The following CCDC80 variants were observed in gnomAD, a reference collection of about 807,000 sequenced individuals.
CCDC80 encodes coiled-coil domain containing 80.
In CCDC80, 49 loss-of-function variants were observed where a neutral mutation model predicts 78.7. The observed-to-expected ratio is 0.62, with a 90% CI of 0.50 to 0.79. CCDC80 has a LOEUF of 0.79. Ranked by LOEUF, CCDC80 falls within the 30% of genes least tolerant of loss-of-function variation. CCDC80 has a pLI of 0.00. For synonymous variants in CCDC80, 488 were observed against 447.0 expected, an observed-to-expected ratio of 1.09 and a Z score of -1.16; for missense variants, 1,205 against 1,198.6, an observed-to-expected ratio of 1.01 and a Z score of -0.08.
rs565377774 is a variant in CCDC80, at chr3:112,604,511, C to A, written c.*906G>T. On this transcript the variant is annotated 3_prime_UTR_variant, in exon 8 of 8. Coordinates refer to ENST00000206423, the MANE Select transcript of CCDC80 (RefSeq NM_199511.3). ...ATAAAGCTATTATACACTTAATAGA[C>A]TACTAAAGAGTGTAAACATAACTTT... is the stretch of plus-strand genomic sequence containing the variant. 6.9e-5 allele frequency: 10 copies of A among 144,646 alleles called. No homozygotes were observed. The highest frequency in any genetic ancestry group is 2.2e-4 in the African/African-American group (9 of 40,238). 9.0% of individuals were successfully genotyped at this position (144,646 alleles called of 1,614,324 possible).
rs1936275999 is a variant in CCDC80, at chr3:112,638,956, C to CT, written c.949dup (p.Arg317LysfsTer85). ...CTCTCTGGTTGGTGGGACTTGTGCT[C>CT]TCCTTGGGTCCTCTTTCTTCTTCTC... On this transcript the variant is annotated frameshift_variant, in exon 2 of 8. Transcript: ENST00000206423. LOFTEE classifies it high-confidence loss of function. 6.2e-7 allele frequency: 1 copy of CT among 1,612,890 alleles called. No homozygotes were observed. The highest frequency in any genetic ancestry group is 8.5e-7 in the Non-Finnish European group (1 of 1,179,998).
rs746434996 is a variant in CCDC80 at position 112,609,971 on chromosome 3, C to T, written c.2425+7G>A. ...GGAAAGCAGTAATGAGGTGGCTTCC[C>T]ACTCACCAAAATTGCACGCCTGACC... On this transcript the variant is annotated splice_region_variant and intron_variant, in intron 6 of 7. Coordinates refer to ENST00000206423, the MANE Select transcript of CCDC80 (RefSeq NM_199511.3). 8 of 1,605,412 alleles carry T rather than the reference C, an allele frequency of 5.0e-6. No homozygotes were observed. The highest frequency in any genetic ancestry group is 4.3e-6 in the Non-Finnish European group (5 of 1,173,528).
rs147788073 is a variant in CCDC80 at position 112,616,585 on chromosome 3, G to A, written c.2321+125C>T. Reference sequence around the variant, plus strand: ...TAAGCTCAGTGGCCAGAGATGGGTAGGTTTTTCTCCAAGGAGGATTACTCT... The same window carrying A: ...TAAGCTCAGTGGCCAGAGATGGGTAAGTTTTTCTCCAAGGAGGATTACTCT... On this transcript the variant is annotated intron_variant, in intron 5 of 7. Coordinates refer to ENST00000206423, the MANE Select transcript of CCDC80 (RefSeq NM_199511.3). 606 of 1,106,286 alleles carry A rather than the reference G, an allele frequency of 5.5e-4. No individual in the cohort carries two copies. The African/African-American group carries it at 8.4e-3, about 15-fold the overall frequency. The allele number at this position is 1,106,286 out of a possible 1,614,324, so 68.5% of individuals were successfully genotyped here.
intron 7 of CCDC80, among the ~76,000 whole-genome samples, chr3:112,606,504 C>A (rs868459771): frequency 1.8e-4 from 28 of 151,824 alleles, no homozygotes; most frequent in African/African-American, 6.3e-4. Context: ...CGGCTCACCG[C>A]AATCTCCACC....
intron 4 of CCDC80, among the ~76,000 whole-genome samples, chr3:112,618,126 T>C (rs971883197): frequency 6.6e-6 from 1 of 152,222 alleles, no homozygotes; most frequent in African/African-American, 2.4e-5. Flanking sequence ...AGGAAAGCAC[T>C]TGATAAAGTG....
chr3:112,632,538 G>C (rs902139793), intron 2 of CCDC80, among the ~76,000 whole-genome samples: 1 of 152,000 alleles, frequency 6.6e-6, no homozygotes, highest in Admixed American at 6.6e-5. Context: ...GACAGATCAC[G>C]GTATGACAGG....
chr3:112,640,743 G>T lies in CCDC80; in HGVS notation c.-428C>A, dbSNP rs950615809. On this transcript the variant is annotated 5_prime_UTR_variant, in exon 1 of 8. Transcript: ENST00000206423. ...GAATCTCACTCTTTCCCTCTTTAAA[G>T]TTCCAGGATCCTTCTTATCTCCCTT... 6.6e-6 allele frequency: 1 copy of T among 152,218 alleles called. No individual in the cohort carries two copies. Among genetic ancestry groups the T allele is most frequent in the Non-Finnish European group, 1.5e-5 (1 of 68,104 alleles). The allele number at this position is 152,218 out of a possible 1,614,324, so 9.4% of individuals were successfully genotyped here.
At chr3:112,613,497 T>TA (rs957108014) in intron 5 of CCDC80, among the ~76,000 whole-genome samples, 5 of 151,174 alleles carry the variant, frequency 3.3e-5, no homozygotes, top group Admixed American at 6.6e-5. Flanking sequence ...TTCTTGAGAA[T>TA]AAAAAAAAAT....
At chr3:112,609,103 G>A (rs1369324544) in intron 6 of CCDC80, among the ~76,000 whole-genome samples, 1 of 148,944 alleles carries the variant, frequency 6.7e-6, no homozygotes, top group African/African-American at 2.6e-5. Flanking sequence ...CCCTGCCCCT[G>A]CCCAGTGAAT....
Position 112,601,697 on chromosome 3 carries a change from G to GAA in CCDC80, c.*3719_*3720insTT, listed in dbSNP as rs767380051. 1 of 46,138 alleles carries GAA rather than the reference G, an allele frequency of 2.2e-5. No homozygotes were observed. The highest frequency in any genetic ancestry group is 3.9e-5 in the African/African-American group (1 of 25,440). 2.9% of individuals were successfully genotyped at this position (46,138 alleles called of 1,614,324 possible). ...CTCTCCAAAAAAAGAAAAAAAAAAA[G>GAA]AGAAAAAAAAGAAGCAGCAGCAACG... On this transcript the variant is annotated 3_prime_UTR_variant, in exon 8 of 8. Transcript: ENST00000206423.
rs1559873376 is a variant in CCDC80, at chr3:112,605,030, A to C, written c.*387T>G. 1 of 158,838 alleles carries C rather than the reference A, an allele frequency of 6.3e-6. No individual in the cohort carries two copies. Among genetic ancestry groups the C allele is most frequent in the African/African-American group, 2.4e-5 (1 of 41,748 alleles). The allele number at this position is 158,838 out of a possible 1,614,324, so 9.8% of individuals were successfully genotyped here. A position where few individuals can be genotyped will look rare whatever the true frequency, so the allele number is the denominator to read the frequency against. Reference sequence around the variant, plus strand: ...TTTATCTTTTCAGATGTTTCTTGAAAACATTGTGGTGTGATCTTTAACAGA... The same window carrying C: ...TTTATCTTTTCAGATGTTTCTTGAACACATTGTGGTGTGATCTTTAACAGA... On this transcript the variant is annotated 3_prime_UTR_variant, in exon 8 of 8. Coordinates refer to ENST00000206423, the MANE Select transcript of CCDC80 (RefSeq NM_199511.3).
At chr3:112,608,510 G>T (rs927457502) in intron 6 of CCDC80, among the ~76,000 whole-genome samples, 11 of 152,168 alleles carry the variant, frequency 7.2e-5, no homozygotes, top group Non-Finnish European at 1.0e-4. Context: ...TAGTACAAAA[G>T]AGTTTGCTTT....
chr3:112,610,293 C>T, intron 5 of CCDC80: 1 of 560,328 alleles, frequency 1.8e-6, no homozygotes, highest in Non-Finnish European at 3.2e-6. Flanking sequence ...AGTCTTTCTG[C>T]TTTGGCATTT....
At position 112,638,046 on chromosome 3, in the gene CCDC80, T is replaced by C. The variant is rs1295678322; in HGVS notation, c.1860A>G (p.Glu620=). The C allele has an allele frequency of 2.5e-6, 4 of 1,603,984 alleles. No homozygotes were observed. In the East Asian group the frequency reaches 6.7e-5, roughly 27 times the overall value. The stretch of plus-strand genomic sequence containing the variant: ...TACTTACAAGGAGTCTTCGTTTGCC[T>C]TCAAAGGACCCCAGCAGGTCGGCCA... ...KSVADLLGSF[E]GKRRLLLITA... is the part of the protein sequence containing the mutation. Residue 620 remains glutamate, a synonymous_variant, in exon 2 of 8, where the codon GAA becomes GAG. Coordinates refer to ENST00000206423, the MANE Select transcript of CCDC80 (RefSeq NM_199511.3).
rs970219009 is a variant in CCDC80, at chr3:112,601,170, G to C, written c.*4247C>G. 2 of 152,168 alleles carry C rather than the reference G, an allele frequency of 1.3e-5. No individual in the cohort carries two copies. Among genetic ancestry groups the C allele is most frequent in the Non-Finnish European group, 2.9e-5 (2 of 68,036 alleles). The allele number at this position is 152,168 out of a possible 1,614,324, so 9.4% of individuals were successfully genotyped here. On this transcript the variant is annotated 3_prime_UTR_variant, in exon 8 of 8. Coordinates refer to ENST00000206423, the MANE Select transcript of CCDC80 (RefSeq NM_199511.3). ...TGGTCTTTATGGAAAATGAATGGCA[G>C]AATAAGTGATTTGTCAAGTTCATTG...
chr3:112,628,254 A>G (rs1006348046), intron 3 of CCDC80, among the ~76,000 whole-genome samples: 3 of 152,242 alleles, frequency 2.0e-5, no homozygotes, highest in African/African-American at 7.2e-5. Flanking sequence ...CTAGTTAGCC[A>G]ATAAATACGT....
In CCDC80 at chr3:112,637,998, T is replaced by C. The variant is rs1481872227; in HGVS notation, c.1878+30A>G. The C allele has an allele frequency of 2.5e-6, 4 of 1,569,260 alleles. No homozygotes were observed. In the African/African-American group the frequency reaches 4.1e-5, roughly 16 times the overall value. On this transcript the variant is annotated intron_variant, in intron 2 of 7. Transcript: ENST00000206423. Reference sequence around the variant, plus strand: ...CGTTAACATGCCCTGCCTCAGCCCATAGAAGAATGCCAAGGAGAAGGCTAC... The same window carrying C: ...CGTTAACATGCCCTGCCTCAGCCCACAGAAGAATGCCAAGGAGAAGGCTAC...
At chr3:112,632,911 C>T (rs1298952077) in intron 2 of CCDC80, among the ~76,000 whole-genome samples, 1 of 152,158 alleles carries the variant, frequency 6.6e-6, no homozygotes, top group Non-Finnish European at 1.5e-5. Flanking sequence ...CCCCCTAGAG[C>T]CAGACCCAGT....
intron 2 of CCDC80, among the ~76,000 whole-genome samples, chr3:112,634,198 C>T (rs1040314321): frequency 8.5e-5 from 13 of 152,122 alleles, no homozygotes; most frequent in Non-Finnish European, 1.9e-4. Flanking sequence ...CTTAGTACAG[C>T]AGGAAACCTT....
Sources: allele counts gnomAD v4.1 joint callset (sites outside exome capture counted in the v4.1 genomes callset), GRCh38; gene constraint gnomAD v4.1.1; transcripts MANE v1.5; gene names NCBI Gene and HGNC (gene_info 2026-07-23, HGNC 2026-07-21).